TAMM41: variants seen among roughly 807,000 people sequenced by gnomAD.
TAMM41 encodes TAM41 mitochondrial translocator assembly and maintenance homolog, also known as phosphatidate cytidylyltransferase, mitochondrial.
TAMM41 carries 36 observed loss-of-function variants against 44.1 expected under a neutral mutation model. The ratio of observed to expected loss-of-function variants is 0.82; its 90% confidence interval spans 0.63 to 1.08. The LOEUF is 1.08. Ranked by LOEUF, TAMM41 falls within the 50% of genes least tolerant of loss-of-function variation. TAMM41 has a pLI of 0.00. For synonymous variants in TAMM41, 164 were observed against 153.1 expected (o/e 1.07, Z -0.53); for missense variants, 417 against 404.3 (o/e 1.03, Z -0.27).
At chr3:11,846,409 C>T in intron 1 of TAMM41, 93 bp downstream of exon 1, 5 of 1,430,162 alleles carry the variant, frequency 3.5e-6, no homozygotes, top group Non-Finnish European at 4.9e-6. Context: ...GTGTGCAGAG[C>T]GGACAGGCAG....
chr3:11,772,405 T>C, the TAMM41 span, among the ~76,000 whole-genome samples: 5 of 152,136 alleles, frequency 3.3e-5, no homozygotes, highest in Non-Finnish European at 7.4e-5. Context: ...CTACTCTGTG[T>C]GTTCATATGT....
intron 2 of TAMM41, among the ~76,000 whole-genome samples, chr3:11,842,964 C>T (rs901876558): frequency 2.6e-5 from 4 of 152,108 alleles, no homozygotes; most frequent in African/African-American, 7.2e-5. Context: ...TTGGAGACTG[C>T]GATGCTTCAG....
chr3:11,786,671 G>A (rs1021508160), downstream of TAMM41, among the ~76,000 whole-genome samples: 5 of 152,068 alleles, frequency 3.3e-5, no homozygotes, highest in Non-Finnish European at 5.9e-5. Context: ...CACAATCACA[G>A]CTCACTGCAG....
chr3:11,723,923 G>A, the TAMM41 span, among the ~76,000 whole-genome samples: 1 of 151,842 alleles, frequency 6.6e-6, no homozygotes, highest in Non-Finnish European at 1.5e-5. Flanking sequence ...AAAGACACAA[G>A]ATTGGCCCAG....
intron 4 of TAMM41, among the ~76,000 whole-genome samples, chr3:11,819,161 G>C (rs1314095803): frequency 6.6e-6 from 1 of 152,118 alleles, no homozygotes; most frequent in Non-Finnish European, 1.5e-5. Context: ...AATTCTTCTG[G>C]AAAGCACTGA....
the TAMM41 span, among the ~76,000 whole-genome samples, chr3:11,779,233 C>G: frequency 3.3e-5 from 5 of 152,288 alleles, no homozygotes; most frequent in African/African-American, 1.2e-4. Context: ...AGGCCCTCAC[C>G]AGATGCAGAT....
chr3:11,788,275 G>A (rs2077428522), downstream of TAMM41, among the ~76,000 whole-genome samples: 1 of 152,182 alleles, frequency 6.6e-6, no homozygotes, highest in African/African-American at 2.4e-5. Flanking sequence ...ATTATAGTGG[G>A]TCTTGAATAG....
At chr3:11,786,585 G>A (rs1472481575), downstream of TAMM41, among the ~76,000 whole-genome samples, 6 of 152,028 alleles carry the variant, frequency 3.9e-5, no homozygotes, top group Non-Finnish European at 8.8e-5. Flanking sequence ...TTACAGGCGT[G>A]AGCCACTGCA....
At chr3:11,775,367 C>T in the TAMM41 span, among the ~76,000 whole-genome samples, 4 of 152,180 alleles carry the variant, frequency 2.6e-5, no homozygotes, top group Non-Finnish European at 5.9e-5. Context: ...CCCGCCACCA[C>T]CCTGGTGATT....
intron 2 of TAMM41, among the ~76,000 whole-genome samples, chr3:11,842,090 G>A (rs2079471103): frequency 6.6e-6 from 1 of 152,080 alleles, no homozygotes; most frequent in Admixed American, 6.6e-5. Context: ...CAATGGCATT[G>A]GCATCACTTG....
the TAMM41 span, among the ~76,000 whole-genome samples, chr3:11,743,043 G>C: frequency 1.9e-4 from 29 of 152,100 alleles, no homozygotes; most frequent in Non-Finnish European, 3.5e-4. Flanking sequence ...ACACAGCCAC[G>C]CAAGATTTTA....
the TAMM41 span, among the ~76,000 whole-genome samples, chr3:11,730,515 A>G: frequency 1.3e-5 from 2 of 151,838 alleles, no homozygotes; most frequent in African/African-American, 4.8e-5. Context: ...CAGGTGGATC[A>G]CGAGGTCAGG....
Position 11,844,147 on chromosome 3 carries a change from T to C in TAMM41, c.200A>G (p.Lys67Arg), listed in dbSNP as rs751536663. ...GAAAGAGTAGTGACTCCAATTTTTC[T>C]TCAGGTTCTTTGAATGCCATGCGAC... ...DPVAWHSKNL[K>R]KNWSHYSFLK... Residue 67 changes from lysine to arginine, a missense_variant, in exon 2 of 8, where the codon AAG becomes AGG. Lys to Arg is a conservative substitution (Grantham distance 26). Coordinates refer to ENST00000455809, the MANE Select transcript of TAMM41 (RefSeq NM_001284401.2). The C allele has an allele frequency of 1.2e-6, 2 of 1,614,230 alleles. No individual in the cohort carries two copies. The highest frequency in any genetic ancestry group is 1.7e-5 in the Admixed American group (1 of 60,022).
At chr3:11,844,796 G>A (rs1463338517) in intron 1 of TAMM41, 2 of 387,682 alleles carry the variant, frequency 5.2e-6, no homozygotes, top group Non-Finnish European at 1.0e-5. Context: ...ACTCTGACAG[G>A]CCCTAGGGTA....
At chr3:11,813,400 C>T (rs1349867631) in intron 5 of TAMM41, among the ~76,000 whole-genome samples, 2 of 152,060 alleles carry the variant, frequency 1.3e-5, no homozygotes, top group Admixed American at 1.3e-4. Flanking sequence ...TGTGATGGTG[C>T]ATGCCTGTAG....
At chr3:11,838,005 A>C in intron 3 of TAMM41, among the ~76,000 whole-genome samples, 1 of 152,128 alleles carries the variant, frequency 6.6e-6, no homozygotes, top group Non-Finnish European at 1.5e-5. Flanking sequence ...CCTACAACTG[A>C]ATTCGATTCT....
At chr3:11,764,934 T>C in the TAMM41 span, among the ~76,000 whole-genome samples, 1 of 152,226 alleles carries the variant, frequency 6.6e-6, no homozygotes, top group Admixed American at 6.5e-5. Flanking sequence ...TTTCCTGCTT[T>C]AGCCAGAAAA....
the TAMM41 span, among the ~76,000 whole-genome samples, chr3:11,750,351 C>G: frequency 3.3e-5 from 5 of 152,108 alleles, no homozygotes; most frequent in Non-Finnish European, 5.9e-5. Context: ...GTTGCCCAGG[C>G]TGAAGTGCAA....
At chr3:11,727,021 A>C in the TAMM41 span, among the ~76,000 whole-genome samples, 8 of 152,126 alleles carry the variant, frequency 5.3e-5, no homozygotes, top group Admixed American at 5.2e-4. Context: ...AAGAATAAGA[A>C]ATAATCTAAA....
Sources: allele counts gnomAD v4.1 joint callset (sites outside exome capture counted in the v4.1 genomes callset), GRCh38; gene constraint gnomAD v4.1.1; transcripts MANE v1.5; gene names NCBI Gene and HGNC (gene_info 2026-07-23, HGNC 2026-07-21).